CCDC88C: variants seen among roughly 807,000 people sequenced by gnomAD.
The protein encoded by CCDC88C is protein Daple.
In CCDC88C, 131 loss-of-function variants were observed where a neutral mutation model predicts 198.8. The ratio of observed to expected loss-of-function variants is 0.66; its 90% CI spans 0.57 to 0.76. The LOEUF (loss-of-function observed/expected upper bound fraction) is 0.76, where lower values mean the gene tolerates loss of function less well. Ranked by LOEUF, CCDC88C falls within the 30% of genes least tolerant of loss-of-function variation. CCDC88C has a pLI of 0.00. For synonymous variants in CCDC88C, 1,166 were observed against 1,114.7 expected, an observed-to-expected ratio of 1.05 and a Z score of -0.92; for missense variants, 2,553 against 2,631.6, an observed-to-expected ratio of 0.97 and a Z score of 0.65.
intron 10 of CCDC88C, 115 bp from the exon 11 acceptor site, chr14:91,326,171 G>A: frequency 1.1e-6 from 1 of 875,400 alleles, no homozygotes; most frequent in South Asian, 1.7e-5. Flanking sequence ...CAATCTAGAG[G>A]GAAGTCCGAG....
intron 16 of CCDC88C, among the ~76,000 whole-genome samples, chr14:91,309,031 A>G (rs1236797276): frequency 6.6e-6 from 1 of 152,214 alleles, no homozygotes; most frequent in Non-Finnish European, 1.5e-5. Flanking sequence ...GTTCGAGACC[A>G]GTCTGGCCAA....
intron 13 of CCDC88C, among the ~76,000 whole-genome samples, chr14:91,319,120 C>T (rs1378053830): frequency 2.0e-5 from 3 of 152,116 alleles, no homozygotes; most frequent in East Asian, 1.9e-4. Flanking sequence ...CCTCCTCCCT[C>T]GACTGGAATC....
chr14:91,356,782 T>C (rs778238832), intron 4 of CCDC88C, among the ~76,000 whole-genome samples: 13 of 152,046 alleles, frequency 8.6e-5, no homozygotes, highest in Admixed American at 7.9e-4. Flanking sequence ...TCTCTGCCCA[T>C]GGACAATCTC....
At chr14:91,308,327 C>T (rs1409795402) in intron 17 of CCDC88C, 24 bp downstream of exon 17, 2 of 1,612,538 alleles carry the variant, frequency 1.2e-6, no homozygotes, top group South Asian at 2.2e-5. Flanking sequence ...CAGCTGGGCC[C>T]CACAGTGCAA....
intron 4 of CCDC88C, among the ~76,000 whole-genome samples, chr14:91,344,542 C>T (rs144749120): frequency 0.014 from 2,071 of 150,342 alleles, 55 homozygotes; most frequent in African/African-American, 0.048. Flanking sequence ...GATGGAGTCT[C>T]GCTCTGTCGC....
At chr14:91,403,146 C>T (rs183787179) in intron 3 of CCDC88C, among the ~76,000 whole-genome samples, 2 of 152,330 alleles carry the variant, frequency 1.3e-5, no homozygotes, top group Admixed American at 1.3e-4. Flanking sequence ...GGGACCCCAG[C>T]CTTGCTGCCT....
intron 3 of CCDC88C, 25 bp downstream of exon 3, chr14:91,408,634 T>A: frequency 7.0e-7 from 1 of 1,420,640 alleles, no homozygotes; most frequent in Non-Finnish European, 1.0e-6. Flanking sequence ...CACATCAGAA[T>A]TCCCGACAGC....
chr14:91,362,477 C>T (rs1894355019), intron 3 of CCDC88C, among the ~76,000 whole-genome samples: 1 of 152,142 alleles, frequency 6.6e-6, no homozygotes, highest in Non-Finnish European at 1.5e-5. Flanking sequence ...GCAAAAAATG[C>T]AAATTGTTAT....
chr14:91,307,041 C>A lies in CCDC88C; in HGVS notation c.3192G>T (p.Arg1064=), dbSNP rs893209908. ...RVKDRAIELE[R]NNAALQAEKQ... is the part of the protein sequence containing the mutation. ...ATGCCCAGGCCAGCCCACTCACATTCCGCTCCAGCTCGATGGCCCGGTCCT... is the reference window on the plus strand; with the variant it reads ...ATGCCCAGGCCAGCCCACTCACATTACGCTCCAGCTCGATGGCCCGGTCCT... The change falls in exon 18 of 30, where the codon CGG becomes CGT. Residue 1064 remains arginine, a synonymous_variant. Coordinates refer to ENST00000389857, the MANE Select transcript of CCDC88C (RefSeq NM_001080414.4). The A allele has an allele frequency of 6.2e-7, 1 of 1,609,332 alleles. No homozygotes were observed. The highest frequency in any genetic ancestry group is 8.5e-7 in the Non-Finnish European group (1 of 1,177,180).
chr14:91,347,063 A>G (rs1203632152), intron 4 of CCDC88C, among the ~76,000 whole-genome samples: 1 of 152,094 alleles, frequency 6.6e-6, no homozygotes, highest in Non-Finnish European at 1.5e-5. Flanking sequence ...CATGCTGGAT[A>G]TAAGAGGCAC....
At chr14:91,275,885 G>A (rs1184234399) in intron 29 of CCDC88C, among the ~76,000 whole-genome samples, 282 of 137,058 alleles carry the variant, frequency 2.1e-3, no homozygotes, top group African/African-American at 7.4e-3. Context: ...GCAGTGGCGC[G>A]ATCTCGACTC....
At chr14:91,405,164 C>G (rs1347516338) in intron 3 of CCDC88C, among the ~76,000 whole-genome samples, 1 of 152,104 alleles carries the variant, frequency 6.6e-6, no homozygotes, top group Admixed American at 6.5e-5. Flanking sequence ...TCCCCAGGTT[C>G]TCAGAGGTCA....
rs1425104218 is a variant in CCDC88C at position 91,395,553 on chromosome 14, C to G, written c.270+13106G>C. On this transcript the variant is annotated intron_variant, in intron 3 of 29. Transcript: ENST00000389857. ...TTCCCACCTCCCATTCCACCTTGTT[C>G]TCTGGCTTCACTTTTCTGGCCTTCG... is the stretch of plus-strand genomic sequence containing the variant. 2.0e-5 allele frequency among the ~76,000 whole-genome samples: 3 copies of G among 152,230 alleles called. No individual in the cohort carries two copies. In the East Asian group the frequency reaches 5.8e-4, roughly 29 times the overall value.
rs1321465779 is a variant in CCDC88C at position 91,303,773 on chromosome 14, A to G, written c.3563T>C (p.Leu1188Pro). ...HERQSAEYEALIRQHSCLKTL... is the reference protein window; with the variant it reads ...HERQSAEYEAPIRQHSCLKTL... Reference sequence around the variant, plus strand: ...CTTTAGGCAGCTGTGCTGGCGGATGAGGGCCTCGTACTCGGCCGATTGCCG... The same window carrying G: ...CTTTAGGCAGCTGTGCTGGCGGATGGGGGCCTCGTACTCGGCCGATTGCCG... The change falls in exon 20 of 30, where the codon CTC becomes CCC. Residue 1188 changes from leucine (L) to proline (P), a missense_variant. Transcript: ENST00000389857. 2.5e-6 allele frequency: 4 copies of G among 1,613,246 alleles called. No individual in the cohort carries two copies. Among genetic ancestry groups the G allele is most frequent in the Non-Finnish European group, 3.4e-6 (4 of 1,179,780 alleles).
At chr14:91,411,664 C>T (rs1886793271) in intron 2 of CCDC88C, among the ~76,000 whole-genome samples, 1 of 151,924 alleles carries the variant, frequency 6.6e-6, no homozygotes, top group African/African-American at 2.4e-5. Context: ...AAACTTCCAA[C>T]TAGAAAAAAA....
In CCDC88C at chr14:91,352,845, GCT is replaced by G. The variant is rs1893877716; in HGVS notation, c.340+6795_340+6796del. 1.3e-5 allele frequency among the ~76,000 whole-genome samples: 2 copies of G among 152,324 alleles called. No individual in the cohort carries two copies. The highest frequency in any genetic ancestry group is 4.8e-5 in the African/African-American group (2 of 41,558). On this transcript the variant is annotated intron_variant, in intron 4 of 29. Transcript: ENST00000389857. The surrounding 1 kb of genome is among the most constrained non-coding windows in gnomAD (Gnocchi z 4.2). ...AGGGCCGCAGGGCCAGGAAGACAGG[GCT>G]TTTGATTTTTAAAAGCACCATCTCT...
At chr14:91,413,329 C>T (rs992186672) in intron 2 of CCDC88C, among the ~76,000 whole-genome samples, 1 of 152,156 alleles carries the variant, frequency 6.6e-6, no homozygotes, top group African/African-American at 2.4e-5. Flanking sequence ...TGGTAAAATA[C>T]CATCCCCTTA....
intron 12 of CCDC88C, among the ~76,000 whole-genome samples, chr14:91,324,213 G>A (rs79624543): frequency 0.014 from 2,185 of 152,336 alleles, 49 homozygotes; most frequent in African/African-American, 0.049. Flanking sequence ...CTCTCGGGGC[G>A]CGGGGCAGTG....
At chr14:91,402,318 T>G (rs1362332230) in intron 3 of CCDC88C, among the ~76,000 whole-genome samples, 2 of 152,172 alleles carry the variant, frequency 1.3e-5, no homozygotes, top group Non-Finnish European at 2.9e-5. Context: ...ATTAAAAGAC[T>G]TTCCTTCTTC....
Sources: gnomAD v4.1 joint callset for allele counts (sites outside exome capture counted in the v4.1 genomes callset) on GRCh38, gnomAD v4.1.1 for gene constraint, Gnocchi (gnomAD v3.1) non-coding constraint, MANE v1.5 for transcripts, NCBI Gene and HGNC (gene_info 2026-07-23, HGNC 2026-07-21) for gene names.